C20orf202: variants seen among roughly 807,000 people sequenced by gnomAD.
C20orf202 encodes the protein chromosome 20 open reading frame 202, also known as uncharacterized protein C20orf202.
Under a neutral mutation model 5.3 loss-of-function variants are expected in C20orf202, and 5 were observed. The observed-to-expected ratio is 0.94, with a 90% CI of 0.49 to 1.98. C20orf202 has a LOEUF of 1.98. Ranked by LOEUF, C20orf202 falls within the 30% of genes most tolerant of loss-of-function variation. C20orf202 has a pLI of 0.01. For missense variants in C20orf202, 135 were observed against 123.5 expected (o/e 1.09, Z -0.44); for synonymous variants, 48 against 50.0 (o/e 0.96, Z 0.16).
intron 1 of C20orf202, 53 bp downstream of exon 1, chr20:1,203,704 A>G: frequency 3.3e-6 from 5 of 1,508,318 alleles, no homozygotes; most frequent in Non-Finnish European, 4.4e-6. Flanking sequence ...TTTTCCAAAG[A>G]TCTCTGGTTT....
At position 1,207,962 on chromosome 20, in the gene C20orf202, C is replaced by G. The variant is rs377501558; in HGVS notation, c.*860C>G. 1 of 152,362 alleles carries G rather than the reference C, an allele frequency of 6.6e-6. No homozygotes were observed. The allele number at this position is 152,362 out of a possible 1,614,324, so 9.4% of individuals were successfully genotyped here. A position where few individuals can be genotyped will look rare whatever the true frequency, so the allele number is the denominator to read the frequency against. Reference sequence around the variant, plus strand: ...GGACCGAAGCCAGTCAATTTCACCCCCCAACACAGCCACACACATCAATTT... The same window carrying G: ...GGACCGAAGCCAGTCAATTTCACCCGCCAACACAGCCACACACATCAATTT... On this transcript the variant is annotated 3_prime_UTR_variant, in exon 2 of 2. Coordinates refer to ENST00000400633, the MANE Select transcript of C20orf202 (RefSeq NM_001394958.1).
rs1446554811 is a variant in C20orf202 at position 1,208,907 on chromosome 20, G to A, written c.*1805G>A. On this transcript the variant is annotated 3_prime_UTR_variant, in exon 2 of 2. Coordinates refer to ENST00000400633, the MANE Select transcript of C20orf202 (RefSeq NM_001394958.1). ...AAACTCCAGGGAATTCCTCCTGTAAGTTTTAAAGTTTGATAGTTTCTGCCT... is the reference window on the plus strand; with the variant it reads ...AAACTCCAGGGAATTCCTCCTGTAAATTTTAAAGTTTGATAGTTTCTGCCT... Among the ~76,000 whole-genome samples, 1 of 152,200 alleles carries A rather than the reference G, an allele frequency of 6.6e-6. No homozygotes were observed. Among genetic ancestry groups the A allele is most frequent in the Non-Finnish European group, 1.5e-5 (1 of 68,036 alleles).
Position 1,203,518 on chromosome 20 carries a change from T to G in C20orf202, c.-68T>G. The G allele has an allele frequency of 1.9e-6, 3 of 1,546,394 alleles. No homozygotes were observed. Among genetic ancestry groups the G allele is most frequent in the Non-Finnish European group, 2.6e-6 (3 of 1,144,864 alleles). ...TGCCAGTCTGAAAGAGTTGGGGGAA[T>G]GTACAAGTCAAAGATCCCTCGGGCC... is the stretch of plus-strand genomic sequence containing the variant. On this transcript the variant is annotated 5_prime_UTR_variant, in exon 1 of 2. An upstream start codon of the reference 5' UTR is lost. Coordinates refer to ENST00000400633, the MANE Select transcript of C20orf202 (RefSeq NM_001394958.1).
chr20:1,204,475 C>T (rs920004237), intron 1 of C20orf202, among the ~76,000 whole-genome samples: 5 of 152,168 alleles, frequency 3.3e-5, no homozygotes, highest in African/African-American at 9.7e-5. Context: ...TCTCCTGACC[C>T]GATGTTATGT....
intron 1 of C20orf202, 124 bp downstream of exon 1, chr20:1,203,775 CCCTCTGGGACCTA>C: frequency 9.6e-7 from 1 of 1,045,146 alleles, no homozygotes; most frequent in South Asian, 1.8e-5. Flanking sequence ...CTGCAGTCTC[CCCTCTGGGACCTA>C]CCACACAATG....
intron 1 of C20orf202, among the ~76,000 whole-genome samples, chr20:1,205,180 A>G (rs2087126547): frequency 6.9e-6 from 1 of 145,722 alleles, no homozygotes; most frequent in African/African-American, 2.6e-5. Context: ...ATCTCGGCTC[A>G]CTACAACCTC....
chr20:1,206,491 T>A (rs561818825), intron 1 of C20orf202, among the ~76,000 whole-genome samples: 2 of 152,376 alleles, frequency 1.3e-5, no homozygotes, highest in African/African-American at 4.8e-5. Context: ...TTCTCATAGC[T>A]GCTTCCTGCA....
intron 1 of C20orf202, among the ~76,000 whole-genome samples, chr20:1,203,997 T>A (rs1376538432): frequency 1.3e-5 from 2 of 152,092 alleles, no homozygotes; most frequent in East Asian, 3.9e-4. Flanking sequence ...ATAGTACCAA[T>A]ATCATATGGG....
rs1292997206 is a variant in C20orf202, at chr20:1,207,851, A to G, written c.*749A>G. The G allele has an allele frequency of 6.6e-6, 1 of 152,244 alleles. No individual in the cohort carries two copies. The highest frequency in any genetic ancestry group is 1.5e-5 in the Non-Finnish European group (1 of 68,062). 9.4% of individuals were successfully genotyped at this position (152,244 alleles called of 1,614,324 possible). On this transcript the variant is annotated 3_prime_UTR_variant, in exon 2 of 2. Coordinates refer to ENST00000400633, the MANE Select transcript of C20orf202 (RefSeq NM_001394958.1). ...AGAAGTAGAGAGAGGGCCACACAAC[A>G]GATGGACAGAGAGGAAGAGCGCTGG...
Position 1,203,569 on chromosome 20 carries a change from C to T in C20orf202, c.-17C>T. The T allele has an allele frequency of 1.3e-6, 2 of 1,551,692 alleles. No individual in the cohort carries two copies. Among genetic ancestry groups the T allele is most frequent in the Non-Finnish European group, 8.7e-7 (1 of 1,146,966 alleles). On this transcript the variant is annotated 5_prime_UTR_variant, in exon 1 of 2. Transcript: ENST00000400633. ...CAGAACCAGGTCAGTGTCAAGGTCA[C>T]TCCTAAGAACACTGAGATGAAAATA... is the stretch of plus-strand genomic sequence containing the variant.
At chr20:1,203,726 TC>T (rs752330568) in intron 1 of C20orf202, 75 bp downstream of exon 1, 6 of 1,396,734 alleles carry the variant, frequency 4.3e-6, no homozygotes, top group Admixed American at 2.3e-5. Context: ...CCTTCCCGGG[TC>T]CCCCCTGGGG....
intron 1 of C20orf202, among the ~76,000 whole-genome samples, chr20:1,204,064 C>G (rs1335381457): frequency 6.6e-6 from 1 of 152,002 alleles, no homozygotes; most frequent in African/African-American, 2.4e-5. Context: ...ATACTTGGCA[C>G]CGTGGTGCTG....
Position 1,203,555 on chromosome 20 carries a change from C to T in C20orf202, c.-31C>T, listed in dbSNP as rs2087118866. On this transcript the variant is annotated 5_prime_UTR_variant, in exon 1 of 2. Coordinates refer to ENST00000400633, the MANE Select transcript of C20orf202 (RefSeq NM_001394958.1). The stretch of plus-strand genomic sequence containing the variant: ...AGATCCCTCGGGCCCAGAACCAGGT[C>T]AGTGTCAAGGTCACTCCTAAGAACA... 2 of 1,551,330 alleles carry T rather than the reference C, an allele frequency of 1.3e-6. No homozygotes were observed. The highest frequency in any genetic ancestry group is 3.9e-5 in the Admixed American group (2 of 50,920).
At chr20:1,206,254 C>T (rs979742990) in intron 1 of C20orf202, among the ~76,000 whole-genome samples, 36 of 152,018 alleles carry the variant, frequency 2.4e-4, no homozygotes, top group African/African-American at 7.7e-4. Flanking sequence ...CTTTTGTTTA[C>T]GTGAGTTATA....
In C20orf202 at chr20:1,207,309, A is replaced by G. The variant is rs2087136907; in HGVS notation, c.*207A>G. The G allele has an allele frequency of 4.3e-6, 2 of 466,890 alleles. No homozygotes were observed. The highest frequency in any genetic ancestry group is 1.9e-5 in the African/African-American group (1 of 51,952). The allele number at this position is 466,890 out of a possible 1,614,324, so 28.9% of individuals were successfully genotyped here. A position where few individuals can be genotyped will look rare whatever the true frequency, so the allele number is the denominator to read the frequency against. On this transcript the variant is annotated 3_prime_UTR_variant, in exon 2 of 2. Transcript: ENST00000400633. ...TTCTGTCACTTGGGATTTCTTGGTG[A>G]GGCACACATAAGGTATTGGATGTGA...
chr20:1,208,730 G>C lies in C20orf202; in HGVS notation c.*1628G>C, dbSNP rs1460782825. Among the ~76,000 whole-genome samples, 1 of 152,030 alleles carries C rather than the reference G, an allele frequency of 6.6e-6. No homozygotes were observed. Among genetic ancestry groups the C allele is most frequent in the African/African-American group, 2.4e-5 (1 of 41,370 alleles). On this transcript the variant is annotated 3_prime_UTR_variant, in exon 2 of 2. Coordinates refer to ENST00000400633, the MANE Select transcript of C20orf202 (RefSeq NM_001394958.1). ...CCAGGATCCAGGTTCCAGACTCCTGGGGCCCCTTCCAGGAGCTCAGAGACA... is the reference window on the plus strand; with the variant it reads ...CCAGGATCCAGGTTCCAGACTCCTGCGGCCCCTTCCAGGAGCTCAGAGACA...
chr20:1,205,812 G>A (rs1245688253), intron 1 of C20orf202, among the ~76,000 whole-genome samples: 2 of 152,172 alleles, frequency 1.3e-5, no homozygotes, highest in East Asian at 1.9e-4. Flanking sequence ...TAAAGAGAAA[G>A]CGAACTTTGG....
chr20:1,205,547 T>C (rs948514365), intron 1 of C20orf202, among the ~76,000 whole-genome samples: 1 of 152,166 alleles, frequency 6.6e-6, no homozygotes, highest in African/African-American at 2.4e-5. Flanking sequence ...ATAATGTTCA[T>C]AAGTATCTCT....
Position 1,207,204 on chromosome 20 carries a change from G to T in C20orf202, c.*102G>T. The T allele has an allele frequency of 1.2e-6, 1 of 839,372 alleles. No individual in the cohort carries two copies. Among genetic ancestry groups the T allele is most frequent in the African/African-American group, 1.7e-5 (1 of 58,502 alleles). 52.0% of individuals were successfully genotyped at this position (839,372 alleles called of 1,614,324 possible). On this transcript the variant is annotated 3_prime_UTR_variant, in exon 2 of 2. Transcript: ENST00000400633. ...TGTTGGAATGGGAGTCAGAAAGCCA[G>T]GGCTCTGGGTTCATTTCTGCCCTCA...
Sources: allele counts gnomAD v4.1 joint callset (sites outside exome capture counted in the v4.1 genomes callset), GRCh38; gene constraint gnomAD v4.1.1; transcripts MANE v1.5; gene names NCBI Gene and HGNC (gene_info 2026-07-23, HGNC 2026-07-21).